Variants in DENND5B observed in about 807,000 individuals in gnomAD.
DENND5B encodes the protein DENN domain containing 5B.
A neutral mutation model predicts 140.6 loss-of-function variants in DENND5B; 34 were observed. That is an observed-to-expected ratio of 0.24 (90% CI 0.18 to 0.32). DENND5B has a LOEUF of 0.32. DENND5B is among the 10% of genes least tolerant of loss of function. The probability of loss-of-function intolerance (pLI) is 1.00; values close to 1 mark genes in which losing one functional copy is unlikely to be tolerated. For synonymous variants in DENND5B, 551 were observed against 562.1 expected (o/e 0.98, Z 0.28); for missense variants, 1,142 against 1,560.2 (o/e 0.73, Z 4.52).
rs749490341 is a variant in DENND5B at position 31,469,124 on chromosome 12, C to G, written c.905-8743G>C. Among the ~76,000 whole-genome samples the G allele has an allele frequency of 9.1e-4, 139 of 151,962 alleles. 1 individual carries two copies. Among genetic ancestry groups the G allele is most frequent in the Non-Finnish European group, 2.9e-4 (20 of 67,972 alleles). ...CCGAGGCAGGTGGATCACTGGAGGT[C>G]AGGAGTTCAAGACCAGCCTGGCCAA... On this transcript the variant is annotated intron_variant, in intron 3 of 20. Transcript: ENST00000389082.
chr12:31,590,707 C>A lies in DENND5B; in HGVS notation c.126G>T (p.Ala42=), dbSNP rs1313707411. The part of the protein sequence containing the change: ...ADSGLEPDEL[A]GENFDQSPLR... ...GCGCCGCCGCAGCCCTGGCCTTACC[C>A]GCCAGCTCGTCAGGCTCCAGCCCGC... is the stretch of plus-strand genomic sequence containing the variant. Residue 42 remains alanine (A), a splice_region_variant and synonymous_variant, in exon 1 of 21, where the codon GCG becomes GCT. Transcript: ENST00000389082. 2.2e-5 allele frequency: 33 copies of A among 1,475,590 alleles called. No individual in the cohort carries two copies. Among genetic ancestry groups the A allele is most frequent in the Non-Finnish European group, 2.9e-5 (32 of 1,119,376 alleles). 91.4% of individuals were successfully genotyped at this position (1,475,590 alleles called of 1,614,324 possible).
intron 17 of DENND5B, among the ~76,000 whole-genome samples, chr12:31,393,719 G>A (rs772563260): frequency 6.6e-6 from 1 of 151,992 alleles, no homozygotes; most frequent in African/African-American, 2.4e-5. Context: ...ATGGAGTCTC[G>A]CTCTGTCTCC....
intron 1 of DENND5B, among the ~76,000 whole-genome samples, chr12:31,570,231 T>C (rs1450049277): frequency 6.6e-6 from 1 of 150,970 alleles, no homozygotes; most frequent in Non-Finnish European, 1.5e-5. Context: ...GAGAAAAAAA[T>C]TATAAGCAAT....
chr12:31,431,119 T>C (rs1000067847), intron 8 of DENND5B, among the ~76,000 whole-genome samples: 1 of 152,232 alleles, frequency 6.6e-6, no homozygotes. Context: ...CTGAGATTAC[T>C]ACTGTGCTCT....
At chr12:31,483,531 C>T (rs1260721640) in intron 2 of DENND5B, among the ~76,000 whole-genome samples, 1 of 151,828 alleles carries the variant, frequency 6.6e-6, no homozygotes, top group African/African-American at 2.4e-5. Flanking sequence ...ACCTCTGCCT[C>T]GCAAGTTCAA....
intron 1 of DENND5B, among the ~76,000 whole-genome samples, chr12:31,568,353 A>G (rs1949704471): frequency 1.3e-5 from 2 of 152,190 alleles, no homozygotes; most frequent in Admixed American, 1.3e-4. Flanking sequence ...TTGGTCTCAA[A>G]TATTTTGGAT....
intron 4 of DENND5B, among the ~76,000 whole-genome samples, chr12:31,456,706 T>C (rs1944795319): frequency 6.6e-6 from 1 of 152,216 alleles, no homozygotes; most frequent in African/African-American, 2.4e-5. Flanking sequence ...AATGCAGCTC[T>C]CTTCATGTTT....
chr12:31,490,802 G>A (rs574005353), intron 2 of DENND5B, among the ~76,000 whole-genome samples: 2 of 152,150 alleles, frequency 1.3e-5, no homozygotes, highest in African/African-American at 4.8e-5. Flanking sequence ...CATCTGAATA[G>A]GTTTCTTCAG....
intron 1 of DENND5B, among the ~76,000 whole-genome samples, chr12:31,542,885 G>A (rs1314507090): frequency 6.6e-6 from 1 of 152,182 alleles, no homozygotes; most frequent in East Asian, 1.9e-4. Context: ...GAGCCTGGGA[G>A]GTGGAAGTTG....
intron 1 of DENND5B, among the ~76,000 whole-genome samples, chr12:31,556,733 C>T (rs1255078639): frequency 2.0e-5 from 3 of 152,172 alleles, no homozygotes; most frequent in Non-Finnish European, 4.4e-5. Flanking sequence ...CTAGGTCTTT[C>T]AGTCAGGTCT....
At chr12:31,397,484 G>A (rs932985158) in intron 17 of DENND5B, among the ~76,000 whole-genome samples, 1 of 137,736 alleles carries the variant, frequency 7.3e-6, no homozygotes, top group Non-Finnish European at 1.5e-5. Flanking sequence ...GGAGGCGGGG[G>A]TTGCAGTGAG....
chr12:31,485,732 ATCTCCTC>A (rs1409476834), intron 2 of DENND5B, among the ~76,000 whole-genome samples: 5 of 98,380 alleles, frequency 5.1e-5, no homozygotes, highest in African/African-American at 2.2e-4. Flanking sequence ...TACAGCTTCC[ATCTCCTC>A]TCTCTCTCTC....
chr12:31,540,167 G>C (rs1251861882), intron 1 of DENND5B, among the ~76,000 whole-genome samples: 1 of 152,028 alleles, frequency 6.6e-6, no homozygotes, highest in Non-Finnish European at 1.5e-5. Context: ...AACCAAATAA[G>C]TGAAAAGTCC....
intron 1 of DENND5B, among the ~76,000 whole-genome samples, chr12:31,570,120 G>A (rs541414147): frequency 7.1e-5 from 10 of 141,478 alleles, no homozygotes; most frequent in Middle Eastern, 4.4e-3. Flanking sequence ...ACTGGAACCC[G>A]GGAGGTGGAG....
At position 31,479,949 on chromosome 12, in the gene DENND5B, T is replaced by C; in HGVS notation, c.544A>G (p.Ser182Gly). Residue 182 changes from serine to glycine, a missense_variant, in exon 3 of 21, where the codon AGC becomes GGC. Ser to Gly is a moderately conservative substitution (Grantham distance 56). Around this residue, in one of 5 missense-constraint regions of DENND5B, gnomAD observed 708 missense variants for 905.5 expected, o/e 0.78. Transcript: ENST00000389082. ...TTTGAAACATACAGGGTGTCTCTGCTAATATCATAGGAGTTGTATCGCTGG... is the reference window on the plus strand; with the variant it reads ...TTTGAAACATACAGGGTGTCTCTGCCAATATCATAGGAGTTGTATCGCTGG... ...KLQRYNSYDI[S>G]RDTLYVSKSI... 6.2e-7 allele frequency: 1 copy of C among 1,614,028 alleles called. No individual in the cohort carries two copies. Among genetic ancestry groups the C allele is most frequent in the Non-Finnish European group, 8.5e-7 (1 of 1,179,876 alleles).
chr12:31,558,360 C>T (rs927474137), intron 1 of DENND5B, among the ~76,000 whole-genome samples: 3 of 152,016 alleles, frequency 2.0e-5, no homozygotes, highest in Admixed American at 6.6e-5. Flanking sequence ...TCAGTTGTTC[C>T]ATGAAAGATT....
chr12:31,409,437 AAAC>A, intron 13 of DENND5B, 53 bp from the exon 14 acceptor site: 1 of 1,370,178 alleles, frequency 7.3e-7, no homozygotes, highest in Non-Finnish European at 9.5e-7. Flanking sequence ...AAAAAAAAAA[AAAC>A]CAAGACAGTA....
intron 3 of DENND5B, among the ~76,000 whole-genome samples, chr12:31,474,281 T>C (rs879470063): frequency 9.2e-5 from 14 of 152,174 alleles, no homozygotes; most frequent in Non-Finnish European, 2.1e-4. Context: ...CAATTATTGG[T>C]ATCAAAAGTT....
intron 6 of DENND5B, among the ~76,000 whole-genome samples, chr12:31,446,467 A>G (rs770743511): frequency 6.6e-6 from 1 of 152,164 alleles, no homozygotes; most frequent in Non-Finnish European, 1.5e-5. Context: ...ATTTAATTTC[A>G]ATAAGTGAAG....
Sources: allele counts gnomAD v4.1 joint callset (sites outside exome capture counted in the v4.1 genomes callset), GRCh38; gene constraint gnomAD v4.1.1; regional missense constraint gnomAD v4.1.1; transcripts MANE v1.5; gene names NCBI Gene and HGNC (gene_info 2026-07-23, HGNC 2026-07-21).